COL23A1: variants seen among roughly 807,000 people sequenced by gnomAD.
COL23A1 encodes the protein collagen alpha-1(XXIII) chain.
A neutral mutation model predicts 99.3 loss-of-function variants in COL23A1; 97 were observed. That is an observed-to-expected ratio of 0.98 (90% CI 0.83 to 1.16). The LOEUF (loss-of-function observed/expected upper bound fraction) is 1.16. Ranked by LOEUF, COL23A1 falls within the 50% of genes most tolerant of loss-of-function variation. The pLI is 0.00. For synonymous variants in COL23A1, 320 were observed against 308.2 expected (o/e 1.04, Z -0.40); for missense variants, 762 against 757.4 (o/e 1.01, Z -0.07).
chr5:178,577,592 C>A (rs1763445027), intron 1 of COL23A1, among the ~76,000 whole-genome samples: 1 of 152,298 alleles, frequency 6.6e-6, no homozygotes, highest in Admixed American at 6.5e-5. Context: ...AGCCCAGGGC[C>A]CTCCCAGAAC....
At position 178,406,572 on chromosome 5, in the gene COL23A1, G is replaced by A. The variant is rs568038418; in HGVS notation, c.362-99653C>T. On this transcript the variant is annotated intron_variant, in intron 2 of 28. Transcript: ENST00000390654. ...AGCCTCCCGAGTAGCTGGGATTACAGGCACGCGCCACCATGCCTGACTAAT... is the reference window on the plus strand; with the variant it reads ...AGCCTCCCGAGTAGCTGGGATTACAAGCACGCGCCACCATGCCTGACTAAT... Among the ~76,000 whole-genome samples the A allele has an allele frequency of 2.1e-3, 324 of 152,212 alleles. 2 individuals are homozygous for A. The highest frequency in any genetic ancestry group is 3.7e-3 in the Non-Finnish European group (250 of 68,012).
At chr5:178,238,958 C>T (rs1360128956) in intron 28 of COL23A1, among the ~76,000 whole-genome samples, 183 bp downstream of exon 28, 1 of 152,196 alleles carries the variant, frequency 6.6e-6, no homozygotes, top group Non-Finnish European at 1.5e-5. Flanking sequence ...CCCCACGCCT[C>T]ACATGCAAGA....
At chr5:178,408,457 G>A (rs1764872670) in intron 2 of COL23A1, among the ~76,000 whole-genome samples, 3 of 152,144 alleles carry the variant, frequency 2.0e-5, no homozygotes, top group Admixed American at 1.3e-4. Flanking sequence ...TACATTTGAT[G>A]GTTGAAGCAA....
intron 2 of COL23A1, among the ~76,000 whole-genome samples, chr5:178,316,234 A>C (rs1182509611): frequency 6.6e-6 from 1 of 152,202 alleles, no homozygotes; most frequent in Non-Finnish European, 1.5e-5. Flanking sequence ...GATAGACCTA[A>C]AGAAGTTAGA....
chr5:178,510,965 T>C (rs1174923444), intron 2 of COL23A1, among the ~76,000 whole-genome samples: 1 of 152,174 alleles, frequency 6.6e-6, no homozygotes, highest in Non-Finnish European at 1.5e-5. Context: ...AATGCTTATT[T>C]CACCCTAGGT....
chr5:178,443,406 C>T (rs968990612), intron 2 of COL23A1, among the ~76,000 whole-genome samples: 3 of 152,296 alleles, frequency 2.0e-5, no homozygotes, highest in South Asian at 2.1e-4. Flanking sequence ...TCAAAAGTTA[C>T]GAAAAACGAA....
chr5:178,293,196 TA>T (rs1190437598), intron 3 of COL23A1, among the ~76,000 whole-genome samples: 1 of 151,606 alleles, frequency 6.6e-6, no homozygotes, highest in Non-Finnish European at 1.5e-5. Flanking sequence ...CACATGTTTG[TA>T]GGATGAGAGT....
At chr5:178,581,282 G>A (rs1763645821) in intron 1 of COL23A1, among the ~76,000 whole-genome samples, 2 of 152,094 alleles carry the variant, frequency 1.3e-5, no homozygotes, top group African/African-American at 2.4e-5. Context: ...AAATTAAAAC[G>A]AGGCTGAGCG....
At chr5:178,249,646 A>G (rs973662413) in intron 18 of COL23A1, among the ~76,000 whole-genome samples, 1 of 149,560 alleles carries the variant, frequency 6.7e-6, no homozygotes, top group Non-Finnish European at 1.5e-5. Context: ...CTCGAATAGC[A>G]AGTGACCCCA....
intron 2 of COL23A1, among the ~76,000 whole-genome samples, chr5:178,431,479 C>T (rs893576529): frequency 1.7e-4 from 26 of 152,148 alleles, no homozygotes; most frequent in Admixed American, 1.4e-3. Context: ...GATGAAGTTC[C>T]GGATATCGAG....
intron 25 of COL23A1, among the ~76,000 whole-genome samples, chr5:178,243,145 G>A (rs1033848438): frequency 8.8e-5 from 13 of 148,130 alleles, no homozygotes; most frequent in Admixed American, 6.7e-4. Context: ...AGCCGAGATC[G>A]CACCACTGCA....
intron 2 of COL23A1, among the ~76,000 whole-genome samples, chr5:178,474,563 G>A (rs1581458969): frequency 6.6e-6 from 1 of 152,072 alleles, no homozygotes; most frequent in Non-Finnish European, 1.5e-5. Context: ...CAGTGAATTT[G>A]TCGTATTTCT....
chr5:178,358,573 GTGTATGTGTA>G (rs1302855634), intron 2 of COL23A1, among the ~76,000 whole-genome samples: 8 of 149,128 alleles, frequency 5.4e-5, no homozygotes, highest in Non-Finnish European at 1.0e-4. Context: ...TATGTCTAAT[GTGTATGTGTA>G]TGTGTGTGTA....
intron 24 of COL23A1, 116 bp downstream of exon 24, chr5:178,246,138 C>T (rs932524604): frequency 6.7e-6 from 9 of 1,345,162 alleles, no homozygotes; most frequent in Non-Finnish European, 9.4e-6. Flanking sequence ...AGAGCCTGAA[C>T]TCTGGCCCTG....
chr5:178,536,058 G>A (rs1760920708), intron 2 of COL23A1, among the ~76,000 whole-genome samples: 1 of 152,280 alleles, frequency 6.6e-6, no homozygotes, highest in Non-Finnish European at 1.5e-5. Context: ...TGTCCCCAGG[G>A]ATCTGGTCTG....
intron 2 of COL23A1, among the ~76,000 whole-genome samples, chr5:178,408,862 G>C (rs1408924394): frequency 1.3e-5 from 2 of 151,450 alleles, no homozygotes; most frequent in Admixed American, 1.3e-4. Context: ...GGTTGAGGCA[G>C]GAGAATCACT....
chr5:178,578,229 C>T (rs1381549916), intron 1 of COL23A1, among the ~76,000 whole-genome samples: 1 of 151,794 alleles, frequency 6.6e-6, no homozygotes, highest in Non-Finnish European at 1.5e-5. Flanking sequence ...CATATGCACA[C>T]ATGCATACTC....
chr5:178,491,085 G>A (rs1384276540), intron 2 of COL23A1, among the ~76,000 whole-genome samples: 1 of 151,578 alleles, frequency 6.6e-6, no homozygotes, highest in Non-Finnish European at 1.5e-5. Flanking sequence ...AAGGAGAAGA[G>A]AGAAGAGAGA....
rs1264894072 is a variant in COL23A1 at position 178,366,211 on chromosome 5, G to C, written c.362-59292C>G. Among the ~76,000 whole-genome samples, 2 of 152,196 alleles carry C rather than the reference G, an allele frequency of 1.3e-5. No homozygotes were observed. Among genetic ancestry groups the C allele is most frequent in the Non-Finnish European group, 2.9e-5 (2 of 68,032 alleles). Reference sequence around the variant, plus strand: ...CTCCCCGGAGCCCAGGGTTCACTCTGCAACTCTGCTGGCTGAAGGGCCTGC... The same window carrying C: ...CTCCCCGGAGCCCAGGGTTCACTCTCCAACTCTGCTGGCTGAAGGGCCTGC... On this transcript the variant is annotated intron_variant, in intron 2 of 28. Coordinates refer to ENST00000390654, the MANE Select transcript of COL23A1 (RefSeq NM_173465.4). This position sits in a 1 kb window ranked among gnomAD's most constrained non-coding sequence, Gnocchi z 4.4.
Sources: gnomAD v4.1 joint callset for allele counts (sites outside exome capture counted in the v4.1 genomes callset) on GRCh38, gnomAD v4.1.1 for gene constraint, Gnocchi (gnomAD v3.1) non-coding constraint, MANE v1.5 for transcripts, NCBI Gene and HGNC (gene_info 2026-07-23, HGNC 2026-07-21) for gene names.